ERC2: variants seen among roughly 807,000 people sequenced by gnomAD.
ERC2 encodes the protein ERC protein 2.
Under a neutral mutation model 114.8 loss-of-function variants are expected in ERC2, and 42 were observed. The ratio of observed to expected loss-of-function variants is 0.37; its 90% CI spans 0.29 to 0.47. The LOEUF is 0.47. Ranked by LOEUF, ERC2 falls within the 20% of genes least tolerant of loss-of-function variation. The pLI is 0.99. For missense variants in ERC2, 939 were observed against 1,150.7 expected, an observed-to-expected ratio of 0.82 and a Z score of 2.66; for synonymous variants, 454 against 425.5, an observed-to-expected ratio of 1.07 and a Z score of -0.82.
At chr3:55,672,338 CAA>C (rs546940629) in intron 17 of ERC2, among the ~76,000 whole-genome samples, 72 of 100,216 alleles carry the variant, frequency 7.2e-4, no homozygotes, top group Admixed American at 6.7e-4. Flanking sequence ...GACCCTATCT[CAA>C]AAAAAAAAAA....
At chr3:56,118,280 G>A (rs1175057281) in intron 6 of ERC2, among the ~76,000 whole-genome samples, 4 of 152,102 alleles carry the variant, frequency 2.6e-5, no homozygotes, top group African/African-American at 9.7e-5. Context: ...CTATAAAATG[G>A]GATACTTCTA....
chr3:56,434,502 T>A lies in ERC2; in HGVS notation c.506A>T (p.Asp169Val). 1 of 1,614,046 alleles carries A rather than the reference T, an allele frequency of 6.2e-7. No individual in the cohort carries two copies. Among genetic ancestry groups the A allele is most frequent in the Non-Finnish European group, 8.5e-7 (1 of 1,179,898 alleles). ...AGATCCCAATTTGCTGTCCTTGATG[T>A]CTAGCTCTTTCCGGAGGAGGTCATT... is the stretch of plus-strand genomic sequence containing the variant. Reference protein sequence around the residue: ...RENDLLRKELDIKDSKLGSSM... With the variant: ...RENDLLRKELVIKDSKLGSSM... The change falls in exon 2 of 18, where the codon GAC becomes GTC. Residue 169 changes from aspartate (D) to valine (V), a missense_variant. Transcript: ENST00000288221.
At chr3:56,360,316 G>A (rs1158907005) in intron 2 of ERC2, among the ~76,000 whole-genome samples, 1 of 151,990 alleles carries the variant, frequency 6.6e-6, no homozygotes, top group Admixed American at 6.6e-5. Flanking sequence ...TTACAAGCAT[G>A]AGCCACCATG....
intron 17 of ERC2, among the ~76,000 whole-genome samples, chr3:55,531,872 C>T (rs773911250): frequency 6.6e-6 from 1 of 152,214 alleles, no homozygotes; most frequent in South Asian, 2.1e-4. Flanking sequence ...ACATAGCAAA[C>T]CTGGTGAAGG....
At chr3:56,151,167 A>G (rs1377187130) in intron 4 of ERC2, among the ~76,000 whole-genome samples, 1 of 152,172 alleles carries the variant, frequency 6.6e-6, no homozygotes, top group African/African-American at 2.4e-5. Flanking sequence ...CATAGGTTCA[A>G]GCAATTTTCA....
At chr3:56,188,768 G>A (rs2083797079) in intron 3 of ERC2, among the ~76,000 whole-genome samples, 1 of 152,168 alleles carries the variant, frequency 6.6e-6, no homozygotes. Context: ...CTTGATGGGG[G>A]TCACTGGGCT....
chr3:55,708,615 G>A (rs1559529454), intron 15 of ERC2, among the ~76,000 whole-genome samples: 1 of 152,050 alleles, frequency 6.6e-6, no homozygotes, highest in Non-Finnish European at 1.5e-5. Flanking sequence ...GAGGGTCTCT[G>A]AAAAAAACTC....
At chr3:55,864,210 C>CATATATATATAT (rs1319284497) in intron 14 of ERC2, among the ~76,000 whole-genome samples, 1 of 132,060 alleles carries the variant, frequency 7.6e-6, no homozygotes, top group African/African-American at 3.3e-5. Context: ...TATATATACA[C>CATATATATATAT]ACATATATAC....
At chr3:55,651,446 C>G (rs1326264177) in intron 17 of ERC2, among the ~76,000 whole-genome samples, 1 of 152,176 alleles carries the variant, frequency 6.6e-6, no homozygotes, top group Non-Finnish European at 1.5e-5. Context: ...AGAGAAACAT[C>G]ATCTGGAAGC....
chr3:56,188,599 G>C (rs1192630361), intron 3 of ERC2, among the ~76,000 whole-genome samples: 1 of 152,206 alleles, frequency 6.6e-6, no homozygotes, highest in African/African-American at 2.4e-5. Context: ...CATTTTTACA[G>C]AAAAGGGCAT....
At chr3:55,969,752 G>C (rs1261714365) in intron 12 of ERC2, among the ~76,000 whole-genome samples, 1 of 152,170 alleles carries the variant, frequency 6.6e-6, no homozygotes, top group African/African-American at 2.4e-5. Flanking sequence ...TTGATCATTA[G>C]ATCTAGTTTT....
chr3:55,898,969 A>G (rs2063979485), intron 13 of ERC2, among the ~76,000 whole-genome samples: 1 of 152,244 alleles, frequency 6.6e-6, no homozygotes, highest in Non-Finnish European at 1.5e-5. Context: ...TTTCTGCCCA[A>G]TATGTATGCC....
At chr3:56,420,487 T>C (rs2061343671) in intron 2 of ERC2, among the ~76,000 whole-genome samples, 1 of 151,988 alleles carries the variant, frequency 6.6e-6, no homozygotes, top group South Asian at 2.1e-4. Flanking sequence ...CCAATTATAC[T>C]TACAACGAAA....
chr3:56,071,312 C>T (rs1560123329), intron 7 of ERC2, among the ~76,000 whole-genome samples: 1 of 152,210 alleles, frequency 6.6e-6, no homozygotes, highest in Admixed American at 6.5e-5. Context: ...CAGATTCAGA[C>T]ACTTGAGTAC....
rs1418492649 is a variant in ERC2, at chr3:56,218,317, C to A, written c.1075-44797G>T. On this transcript the variant is annotated intron_variant, in intron 3 of 17. Transcript: ENST00000288221. ...AGAAAAAAACAAACAACCCCATCAA[C>A]AAGTGGGTGAAGGACATGAACAGAC... 3.3e-5 allele frequency among the ~76,000 whole-genome samples: 5 copies of A among 151,920 alleles called. No homozygotes were observed. In the East Asian group the frequency reaches 5.8e-4, roughly 18 times the overall value.
intron 2 of ERC2, among the ~76,000 whole-genome samples, chr3:56,429,999 G>A (rs1393493631): frequency 1.3e-5 from 2 of 152,130 alleles, no homozygotes; most frequent in African/African-American, 4.8e-5. Context: ...AGAAGGAAAG[G>A]GCTGGGTTAG....
chr3:56,142,866 A>T (rs1003815674), intron 5 of ERC2, among the ~76,000 whole-genome samples: 9 of 151,716 alleles, frequency 5.9e-5, no homozygotes, highest in Non-Finnish European at 8.8e-5. Flanking sequence ...TATCTGAAAA[A>T]ATACTTTAAG....
intron 1 of ERC2, among the ~76,000 whole-genome samples, chr3:56,460,068 A>G (rs2063242204): frequency 6.6e-6 from 1 of 152,232 alleles, no homozygotes; most frequent in Non-Finnish European, 1.5e-5. Flanking sequence ...GTAGCAGATG[A>G]ACTGGCCCAA....
intron 4 of ERC2, 108 bp downstream of exon 4, chr3:56,173,338 G>A (rs1021609311): frequency 3.0e-5 from 30 of 1,014,930 alleles, no homozygotes; most frequent in Non-Finnish European, 3.8e-5. Flanking sequence ...ATCCAGCAGG[G>A]TGCCTAGAGA....
Sources: gnomAD v4.1 joint callset for allele counts (sites outside exome capture counted in the v4.1 genomes callset) on GRCh38, gnomAD v4.1.1 for gene constraint, MANE v1.5 for transcripts, NCBI Gene and HGNC (gene_info 2026-07-23, HGNC 2026-07-21) for gene names.